SLC35F4: variants seen among roughly 807,000 people sequenced by gnomAD.
The protein encoded by SLC35F4 is chromosome 14 open reading frame 36.
In SLC35F4, 24 loss-of-function variants were observed where a neutral mutation model predicts 44.2. That is an observed-to-expected ratio of 0.54 (90% CI 0.39 to 0.76). SLC35F4 has a LOEUF of 0.76. Ranked by LOEUF, SLC35F4 falls within the 30% of genes least tolerant of loss-of-function variation. SLC35F4 has a pLI of 0.00. For synonymous variants in SLC35F4, 238 were observed against 223.6 expected (o/e 1.06, Z -0.57); for missense variants, 562 against 586.1 (o/e 0.96, Z 0.42).
At chr14:57,665,391 T>G (rs1041935052) in intron 1 of SLC35F4, among the ~76,000 whole-genome samples, 1 of 152,142 alleles carries the variant, frequency 6.6e-6, no homozygotes, top group Non-Finnish European at 1.5e-5. Context: ...ACTTTAAACA[T>G]CTTCCTTTAC....
chr14:57,578,448 C>T (rs1439275100), intron 4 of SLC35F4, among the ~76,000 whole-genome samples: 1 of 138,662 alleles, frequency 7.2e-6, no homozygotes, highest in East Asian at 2.3e-4. Flanking sequence ...TTTATGTTGT[C>T]AGTGCTGTTT....
chr14:57,625,728 T>C (rs572678585), intron 1 of SLC35F4, among the ~76,000 whole-genome samples: 54 of 152,296 alleles, frequency 3.5e-4, no homozygotes, highest in Non-Finnish European at 6.6e-4. Context: ...TAAATGGTGC[T>C]GGGAAAACTG....
intron 1 of SLC35F4, among the ~76,000 whole-genome samples, chr14:57,814,624 T>C (rs1461288061): frequency 6.6e-6 from 1 of 152,204 alleles, no homozygotes; most frequent in African/African-American, 2.4e-5. Context: ...TTTGATGAAA[T>C]AATAGTTGCT....
chr14:57,820,726 T>G (rs1467326162), intron 1 of SLC35F4, among the ~76,000 whole-genome samples: 1 of 152,212 alleles, frequency 6.6e-6, no homozygotes, highest in African/African-American at 2.4e-5. Context: ...ATGAACTGAG[T>G]AAGCCTCTGA....
chr14:57,954,483 G>A (rs1459224893), intron 1 of SLC35F4, among the ~76,000 whole-genome samples: 2 of 152,086 alleles, frequency 1.3e-5, no homozygotes, highest in African/African-American at 2.4e-5. Flanking sequence ...ATGAATCCAG[G>A]AGCTGCGTTT....
chr14:57,769,839 A>G (rs1376205200), intron 1 of SLC35F4, among the ~76,000 whole-genome samples: 1 of 152,228 alleles, frequency 6.6e-6, no homozygotes, highest in Non-Finnish European at 1.5e-5. Context: ...TTTCTTTATA[A>G]GACCTGATAT....
chr14:57,566,053 G>A (rs1430329428), intron 7 of SLC35F4, among the ~76,000 whole-genome samples: 1 of 152,134 alleles, frequency 6.6e-6, no homozygotes, highest in African/African-American at 2.4e-5. Context: ...CTCTGCCCCA[G>A]GAGAGCTTTC....
intron 1 of SLC35F4, among the ~76,000 whole-genome samples, chr14:57,777,340 T>C (rs148203949): frequency 2.0e-5 from 3 of 152,318 alleles, no homozygotes; most frequent in South Asian, 2.1e-4. Flanking sequence ...ATGTTTATTG[T>C]AGCACTATTC....
intron 1 of SLC35F4, among the ~76,000 whole-genome samples, chr14:57,676,612 T>C (rs953053173): frequency 6.6e-6 from 1 of 152,008 alleles, no homozygotes; most frequent in Non-Finnish European, 1.5e-5. Flanking sequence ...AGGATATGAA[T>C]AGACAATTCT....
intron 1 of SLC35F4, among the ~76,000 whole-genome samples, chr14:57,654,265 T>C (rs1333039283): frequency 6.6e-6 from 1 of 152,154 alleles, no homozygotes; most frequent in Non-Finnish European, 1.5e-5. Context: ...CTGTATCCAA[T>C]ACATAATCCA....
chr14:57,564,155 C>T lies in SLC35F4; in HGVS notation c.1438G>A (p.Val480Met). 6.2e-7 allele frequency: 1 copy of T among 1,613,750 alleles called. No homozygotes were observed. The highest frequency in any genetic ancestry group is 8.5e-7 in the Non-Finnish European group (1 of 1,179,816). The change falls in exon 8 of 8, where the codon GTG (valine) becomes ATG (methionine). Residue 480 changes from valine to methionine, a missense_variant. Physicochemically the swap from Val to Met is conservative, Grantham distance 21. Coordinates refer to ENST00000556826, the MANE Select transcript of SLC35F4 (RefSeq NM_001306087.2). ...CCTCTCTAAGCCAGTGGTATAGACA[C>T]TGTCCCATTGGCTCTGCCTCTGCCC... The part of the protein sequence containing the change: ...LRGRGRANGT[V>M]SIPLA
chr14:57,708,072 A>C (rs1313581467), intron 1 of SLC35F4, among the ~76,000 whole-genome samples: 1 of 152,230 alleles, frequency 6.6e-6, no homozygotes, highest in South Asian at 2.1e-4. Flanking sequence ...CTCTGGCTCC[A>C]AGAGTCTGAA....
At chr14:57,836,538 G>T (rs1334204535) in intron 1 of SLC35F4, among the ~76,000 whole-genome samples, 1 of 152,178 alleles carries the variant, frequency 6.6e-6, no homozygotes, top group African/African-American at 2.4e-5. Context: ...TGATCCGCCT[G>T]CCTCAGCCTC....
chr14:57,763,030 T>G (rs2077160137), intron 1 of SLC35F4, among the ~76,000 whole-genome samples: 1 of 152,190 alleles, frequency 6.6e-6, no homozygotes, highest in African/African-American at 2.4e-5. Flanking sequence ...TTATAGAACA[T>G]TAACCAATTT....
intron 4 of SLC35F4, among the ~76,000 whole-genome samples, chr14:57,578,328 T>G (rs1300102791): frequency 4.7e-5 from 2 of 42,496 alleles, no homozygotes; most frequent in African/African-American, 1.2e-4. Context: ...TTTAACTGTT[T>G]TTTTTTTTTT....
downstream of SLC35F4, among the ~76,000 whole-genome samples, chr14:57,974,219 C>T (rs909271119): frequency 6.6e-6 from 1 of 152,062 alleles, no homozygotes; most frequent in African/African-American, 2.4e-5. Context: ...GGCCCAGCTG[C>T]GACTGTCAAG....
At chr14:57,758,204 A>C (rs1280054522) in intron 1 of SLC35F4, among the ~76,000 whole-genome samples, 2 of 152,188 alleles carry the variant, frequency 1.3e-5, no homozygotes, top group East Asian at 1.9e-4. Flanking sequence ...GGACAATTTA[A>C]TTATGATACG....
At chr14:57,839,930 C>T (rs1247409317) in intron 1 of SLC35F4, among the ~76,000 whole-genome samples, 3 of 152,102 alleles carry the variant, frequency 2.0e-5, no homozygotes, top group Non-Finnish European at 4.4e-5. Flanking sequence ...GACTTCTTAC[C>T]TAAGACCTAA....
intron 1 of SLC35F4, among the ~76,000 whole-genome samples, chr14:57,818,678 G>T (rs1462647782): frequency 6.6e-6 from 1 of 152,144 alleles, no homozygotes; most frequent in African/African-American, 2.4e-5. Context: ...GACCTCTAAG[G>T]GATGAAGATC....
Sources: allele counts gnomAD v4.1 joint callset (sites outside exome capture counted in the v4.1 genomes callset), GRCh38; gene constraint gnomAD v4.1.1; transcripts MANE v1.5; gene names NCBI Gene and HGNC (gene_info 2026-07-23, HGNC 2026-07-21).